COL17A1: variants seen among roughly 807,000 people sequenced by gnomAD.
COL17A1 encodes the protein collagen type XVII alpha 1 chain.
Under a neutral mutation model 218.4 loss-of-function variants are expected in COL17A1, and 181 were observed. That is an observed-to-expected ratio of 0.83 (90% CI 0.73 to 0.94). COL17A1 has a LOEUF of 0.94. COL17A1 is among the 40% of genes least tolerant of loss of function. COL17A1 has a pLI of 0.00. For synonymous variants in COL17A1, 721 were observed against 731.0 expected, an observed-to-expected ratio of 0.99 and a Z score of 0.22; for missense variants, 1,924 against 1,945.9, an observed-to-expected ratio of 0.99 and a Z score of 0.21.
Position 104,058,185 on chromosome 10 carries a change from G to C in COL17A1, c.1228C>G (p.Leu410Val). Residue 410 changes from leucine (L) to valine (V), a missense_variant, in exon 16 of 56, where the codon CTG (leucine) becomes GTG (valine). Physicochemically the swap from Leu to Val is conservative, Grantham distance 32 (BLOSUM62 1). Transcript: ENST00000648076. ...TTGCCCTTTGTGGACACAGTCTTCA[G>C]GTCTCCTGAAAGGACAAACAGATTG... is the stretch of plus-strand genomic sequence containing the variant. ...SGLKAEANGDLKTVSTKGKTT... is the reference protein window; with the variant it reads ...SGLKAEANGDVKTVSTKGKTT... 1 of 1,614,194 alleles carries C rather than the reference G, an allele frequency of 6.2e-7. No individual in the cohort carries two copies. The highest frequency in any genetic ancestry group is 8.5e-7 in the Non-Finnish European group (1 of 1,180,036).
Position 104,034,630 on chromosome 10 carries a change from A to G in COL17A1, c.3757T>C (p.Tyr1253His), listed in dbSNP as rs1376972422. The change falls in exon 51 of 56, where the codon TAC becomes CAC. Residue 1253 changes from tyrosine to histidine, a missense_variant. Transcript: ENST00000648076. ...SDSFRSELIS[Y>H]LTSPDVRSFI... ...CCGTCGGGGCACCTACTTGTGAGGT[A>G]GCTGATCAGCTCGCTCCGGAAGCTG... The G allele has an allele frequency of 6.2e-7, 1 of 1,610,158 alleles. No homozygotes were observed. Among genetic ancestry groups the G allele is most frequent in the African/African-American group, 1.3e-5 (1 of 74,996 alleles).
At chr10:104,052,652 C>T (rs371023248) in intron 23 of COL17A1, among the ~76,000 whole-genome samples, 3 of 152,234 alleles carry the variant, frequency 2.0e-5, no homozygotes, top group African/African-American at 7.2e-5. Context: ...TCTTGGCCTC[C>T]TTCCAGCTAG....
At position 104,055,384 on chromosome 10, in the gene COL17A1, G is replaced by C. The variant is rs764732555; in HGVS notation, c.1705C>G (p.Pro569Ala). ...TCCATGGCAATACCTTTAGGGCCAG[G>C]GCTTCCTCGGAGATTTCCTGCAAGA... is the stretch of plus-strand genomic sequence containing the variant. ...EQENGNLRGSPGPKGDMGSPG... is the reference protein window; with the variant it reads ...EQENGNLRGSAGPKGDMGSPG... Residue 569 changes from proline to alanine, a missense_variant, in exon 19 of 56, where the codon CCT becomes GCT. By Grantham distance (27) the Pro-to-Ala change is conservative. Transcript: ENST00000648076. 2 of 1,612,470 alleles carry C rather than the reference G, an allele frequency of 1.2e-6. No individual in the cohort carries two copies. Among genetic ancestry groups the C allele is most frequent in the East Asian group, 4.5e-5 (2 of 44,788 alleles).
rs767504366 is a variant in COL17A1, at chr10:104,034,695, A to G, written c.3692T>C (p.Val1231Ala). 2 of 1,610,490 alleles carry G rather than the reference A, an allele frequency of 1.2e-6. No homozygotes were observed. The highest frequency in any genetic ancestry group is 4.5e-5 in the East Asian group (2 of 44,692). ...GPPGPRGPPG[V>A]SGALATYAAE... Reference sequence around the variant, plus strand: ...TGCATAGGTTGCCAGGGCTCCTGAGACACCCGGGGGCCCTCGAGGCCCTGG... The same window carrying G: ...TGCATAGGTTGCCAGGGCTCCTGAGGCACCCGGGGGCCCTCGAGGCCCTGG... Residue 1231 changes from valine (V) to alanine (A), a missense_variant, in exon 51 of 56, where the codon GTC becomes GCC. Coordinates refer to ENST00000648076, the MANE Select transcript of COL17A1 (RefSeq NM_000494.4).
rs2086474527 is a variant in COL17A1 at position 104,052,045 on chromosome 10, G to A, written c.2002+110C>T. 1.4e-5 allele frequency: 20 copies of A among 1,462,984 alleles called. No individual in the cohort carries two copies. The South Asian group carries it at 2.1e-4, about 15-fold the overall frequency. 90.6% of individuals were successfully genotyped at this position (1,462,984 alleles called of 1,614,324 possible). On this transcript the variant is annotated intron_variant, in intron 24 of 55. Coordinates refer to ENST00000648076, the MANE Select transcript of COL17A1 (RefSeq NM_000494.4). ...CACCCACCACCCCTGCACAGGCCTG[G>A]GGCAGGGGGTTAGGGCTGTCTGGGG...
intron 29 of COL17A1, 49 bp from the exon 30 acceptor site, chr10:104,048,153 G>GCGATTCCT: frequency 6.2e-7 from 1 of 1,604,012 alleles, no homozygotes. Context: ...AGTGATTTCT[G>GCGATTCCT]CGATTCCTCC....
At chr10:104,037,206 G>C in intron 46 of COL17A1, 93 bp from the exon 47 acceptor site, 1 of 1,184,244 alleles carries the variant, frequency 8.4e-7, no homozygotes, top group Admixed American at 2.0e-5. Flanking sequence ...TCACCGAGCT[G>C]TTTGTCTTTG....
chr10:104,034,110 C>A lies in COL17A1; in HGVS notation c.3991G>T (p.Ala1331Ser). The change falls in exon 52 of 56, where the codon GCA (alanine) becomes TCA (serine). Residue 1331 changes from alanine to serine, a missense_variant. Coordinates refer to ENST00000648076, the MANE Select transcript of COL17A1 (RefSeq NM_000494.4). The stretch of plus-strand genomic sequence containing the variant: ...GTGCCATAGGGACCCCTGTCTCCTG[C>A]AGCTTCACCAAAGGCACCGCCTGCA... ...LGAGGAFGEA[A>S]GDRGPYGTDI... The A allele has an allele frequency of 6.2e-7, 1 of 1,614,110 alleles. No homozygotes were observed. The highest frequency in any genetic ancestry group is 8.5e-7 in the Non-Finnish European group (1 of 1,180,038).
rs2134563935 is a variant in COL17A1, at chr10:104,034,200, CAG to C, written c.3899_3900del (p.Ser1300CysfsTer29). 1.2e-6 allele frequency: 2 copies of C among 1,613,244 alleles called. No homozygotes were observed. The highest frequency in any genetic ancestry group is 1.7e-6 in the Non-Finnish European group (2 of 1,179,964). On this transcript the variant is annotated frameshift_variant, in exon 52 of 56. Transcript: ENST00000648076. LOFTEE classifies it high-confidence loss of function. Reference protein sequence around the residue: ...RGSSSSSHSSSVRRGSSYSSS... With the variant: ...RGSSSSSHSSXVRRGSSYSSS... ...GAGCTGTAGGAGCTGCCCCGCCTGA[CAG>C]ATGAGCTGTGTGAGGAGGAGCTGCT...
chr10:104,073,207 C>T lies in COL17A1; in HGVS notation c.415+3G>A. The T allele has an allele frequency of 1.2e-6, 2 of 1,613,782 alleles. No homozygotes were observed. Among genetic ancestry groups the T allele is most frequent in the South Asian group, 1.1e-5 (1 of 91,068 alleles). On this transcript the variant is annotated splice_donor_region_variant and intron_variant, in intron 7 of 55. Coordinates refer to ENST00000648076, the MANE Select transcript of COL17A1 (RefSeq NM_000494.4). ...TTGGACTGAACCCAGTGACAGCACT[C>T]ACCTCGTGTTTGACTCCGTCCTCTG...
chr10:104,047,762 G>A lies in COL17A1; in HGVS notation c.2312C>T (p.Pro771Leu). 1 of 1,614,208 alleles carries A rather than the reference G, an allele frequency of 6.2e-7. No homozygotes were observed. Among genetic ancestry groups the A allele is most frequent in the Non-Finnish European group, 8.5e-7 (1 of 1,180,028 alleles). Reference protein sequence around the residue: ...GMPGIRGPPGPSGDPGKPGLT... With the variant: ...GMPGIRGPPGLSGDPGKPGLT... Reference sequence around the variant, plus strand: ...ACCTGGCTTTCCTGGGTCTCCAGAAGGTCCTGGTGGGCCACGGATTCCAGG... The same window carrying A: ...ACCTGGCTTTCCTGGGTCTCCAGAAAGTCCTGGTGGGCCACGGATTCCAGG... The change falls in exon 31 of 56, where the codon CCT becomes CTT. Residue 771 changes from proline to leucine, a missense_variant. Physicochemically the swap from Pro to Leu is moderately conservative, Grantham distance 98 (BLOSUM62 -3). Transcript: ENST00000648076.
At chr10:104,050,576 G>A in intron 27 of COL17A1, 45 bp downstream of exon 27, 1 of 1,612,484 alleles carries the variant, frequency 6.2e-7, no homozygotes. Context: ...GCTCCCAGGA[G>A]TGAGGCAGGC....
In COL17A1 at chr10:104,057,102, G is replaced by A. The variant is rs1174128678; in HGVS notation, c.1338C>T (p.Gly446=). The stretch of plus-strand genomic sequence containing the variant: ...AGGCTGGCGCTGGTCCCCAAGGGCC[G>A]CCGCCAGCGCCACCAACACCGCCAC... ...GGGGGVGGAG[G]GPWGPAPAWC... Residue 446 remains glycine, a synonymous_variant, in exon 17 of 56, where the codon GGC becomes GGT. Transcript: ENST00000648076. 1.4e-5 allele frequency: 23 copies of A among 1,612,030 alleles called. No homozygotes were observed. The highest frequency in any genetic ancestry group is 1.7e-5 in the Non-Finnish European group (20 of 1,179,030).
rs774424054 is a variant in COL17A1, at chr10:104,033,351, G to A, written c.4181C>T (p.Ala1394Val). The A allele has an allele frequency of 5.6e-6, 9 of 1,610,048 alleles. No homozygotes were observed. The highest frequency in any genetic ancestry group is 5.9e-6 in the Non-Finnish European group (7 of 1,178,392). Residue 1394 changes from alanine (A) to valine (V), a missense_variant, in exon 53 of 56, where the codon GCC becomes GTC. Ala to Val is a moderately conservative substitution (Grantham distance 64). Coordinates refer to ENST00000648076, the MANE Select transcript of COL17A1 (RefSeq NM_000494.4). ...GCCTGGTGGGCCCTGGACAGTGTAG[G>A]CCATCCCTTGCAGTAGGCCCTGACC... is the stretch of plus-strand genomic sequence containing the variant. ...MQRQGLLQGM[A>V]YTVQGPPGQP... is the part of the protein sequence containing the mutation.
chr10:104,040,515 T>C, intron 39 of COL17A1, 105 bp from the exon 40 acceptor site: 1 of 757,122 alleles, frequency 1.3e-6, no homozygotes, highest in South Asian at 1.4e-5. Context: ...ACTTGTCAAA[T>C]AGTTGGATGG....
chr10:104,056,202 C>T (rs969730294), intron 17 of COL17A1, among the ~76,000 whole-genome samples, 199 bp from the exon 18 acceptor site: 1 of 152,192 alleles, frequency 6.6e-6, no homozygotes, highest in African/African-American at 2.4e-5. Flanking sequence ...TTAAAGAAAC[C>T]TGGCCTGGGA....
In COL17A1 at chr10:104,085,770, CCT is replaced by C. The variant is rs1280864628; in HGVS notation, c.-61_-60del. The C allele has an allele frequency of 6.6e-6, 1 of 152,546 alleles. No individual in the cohort carries two copies. The highest frequency in any genetic ancestry group is 1.5e-5 in the Non-Finnish European group (1 of 68,030). 9.4% of individuals were successfully genotyped at this position (152,546 alleles called of 1,614,324 possible). On this transcript the variant is annotated 5_prime_UTR_variant, in exon 1 of 56. Transcript: ENST00000648076. Reference sequence around the variant, plus strand: ...TTGGAAACAACTTTGAATAAATCCCCCTCTCTCTTTCTTCTCCTGATGTTTTC... The same window carrying C: ...TTGGAAACAACTTTGAATAAATCCCCCTCTCTTTCTTCTCCTGATGTTTTC...
chr10:104,060,032 G>T, intron 14 of COL17A1, 87 bp downstream of exon 14: 1 of 1,593,124 alleles, frequency 6.3e-7, no homozygotes, highest in South Asian at 1.1e-5. Context: ...ATGACTCATA[G>T]GGTCCCAAAC....
At chr10:104,049,574 G>T in intron 28 of COL17A1, 103 bp from the exon 29 acceptor site, 2 of 1,282,466 alleles carry the variant, frequency 1.6e-6, no homozygotes, top group Non-Finnish European at 1.1e-6. Flanking sequence ...AGCAGCTTCT[G>T]CTTTGATTCC....
Sources: allele counts gnomAD v4.1 joint callset (sites outside exome capture counted in the v4.1 genomes callset), GRCh38; gene constraint gnomAD v4.1.1; transcripts MANE v1.5; gene names NCBI Gene and HGNC (gene_info 2026-07-23, HGNC 2026-07-21).